The following NPIPB2 variants were observed in gnomAD, a reference collection of about 807,000 sequenced individuals.
NPIPB2 encodes nuclear pore complex-interacting protein family member B2.
A neutral mutation model predicts 30.8 loss-of-function variants in NPIPB2; 27 were observed. The ratio of observed to expected loss-of-function variants is 0.88; its 90% CI spans 0.65 to 1.21. NPIPB2 has a LOEUF of 1.21. Among genes scored for constraint, NPIPB2 ranks in the 50% most tolerant of loss-of-function variants. NPIPB2 has a pLI of 0.00. For missense variants in NPIPB2, 440 were observed against 446.2 expected (o/e 0.99, Z 0.13); for synonymous variants, 147 against 162.0 (o/e 0.91, Z 0.70).
At chr16:11,975,432 C>T (rs1002187376) in intron 1 of NPIPB2, among the ~76,000 whole-genome samples, 1 of 151,962 alleles carries the variant, frequency 6.6e-6, no homozygotes, top group African/African-American at 2.4e-5. Context: ...CAGGCGTGAG[C>T]CACCGCGCCC....
chr16:11,946,513 C>A (rs185801072), upstream of NPIPB2, among the ~76,000 whole-genome samples: 87 of 151,550 alleles, frequency 5.7e-4, 1 homozygote, highest in Admixed American at 3.0e-3. Flanking sequence ...TTTGAGGCTA[C>A]TGTGAGCTAT....
At chr16:11,957,260 G>T (rs1332497454) in intron 1 of NPIPB2, among the ~76,000 whole-genome samples, 1 of 151,624 alleles carries the variant, frequency 6.6e-6, no homozygotes, top group Non-Finnish European at 1.5e-5. Context: ...CGCCTCTTGG[G>T]TTCAAGCGAT....
upstream of NPIPB2, among the ~76,000 whole-genome samples, chr16:11,946,536 G>C (rs9922795): frequency 0.19 from 28,446 of 151,860 alleles, 4,979 homozygotes; most frequent in African/African-American, 0.45. Flanking sequence ...TTGTGCCACT[G>C]TACTCCAGCC....
At chr16:11,954,260 G>A (rs1414179344) in intron 1 of NPIPB2, among the ~76,000 whole-genome samples, 1 of 151,960 alleles carries the variant, frequency 6.6e-6, no homozygotes, top group African/African-American at 2.4e-5. Flanking sequence ...AGTGAGGTGG[G>A]AGGATCACTT....
At chr16:11,950,601 T>G (rs939556857) in intron 1 of NPIPB2, among the ~76,000 whole-genome samples, 5 of 152,130 alleles carry the variant, frequency 3.3e-5, no homozygotes, top group Admixed American at 3.3e-4. Flanking sequence ...AGCCCTTTTC[T>G]CCCAATGTTC....
At chr16:11,945,071 C>T (rs937891488), upstream of NPIPB2, among the ~76,000 whole-genome samples, 7 of 151,838 alleles carry the variant, frequency 4.6e-5, no homozygotes, top group African/African-American at 1.7e-4. Context: ...CCTGTAATCC[C>T]AGCTACTCAG....
intron 1 of NPIPB2, among the ~76,000 whole-genome samples, chr16:11,958,925 G>A (rs1300555239): frequency 2.0e-5 from 3 of 152,130 alleles, no homozygotes; most frequent in East Asian, 3.9e-4. Flanking sequence ...TGGGACCAGA[G>A]GAGTCACCAA....
intron 1 of NPIPB2, chr16:11,968,731 C>T (rs1441131041): frequency 1.3e-5 from 2 of 152,200 alleles, no homozygotes; most frequent in Non-Finnish European, 2.9e-5. Context: ...TTGTTGCAAA[C>T]AACCTCAATC....
chr16:11,953,231 C>G (rs78056338), intron 1 of NPIPB2, among the ~76,000 whole-genome samples: 2 of 152,030 alleles, frequency 1.3e-5, no homozygotes, highest in Non-Finnish European at 2.9e-5. Flanking sequence ...CTGCAACCTC[C>G]GCTTCCTGGG....
intron 1 of NPIPB2, among the ~76,000 whole-genome samples, chr16:11,948,562 C>A (rs376794134): frequency 1.3e-5 from 2 of 151,824 alleles, no homozygotes; most frequent in African/African-American, 4.8e-5. Context: ...GTCAGGAGAT[C>A]GAGACCATCC....
intron 1 of NPIPB2, among the ~76,000 whole-genome samples, chr16:11,947,936 T>C (rs1387965186): frequency 6.7e-6 from 1 of 149,398 alleles, no homozygotes; most frequent in Non-Finnish European, 1.5e-5. Context: ...AATCAGGGGA[T>C]TGCAAGAAGG....
At chr16:11,938,145 A>C (rs1449275163) in intron 1 of NPIPB2, among the ~76,000 whole-genome samples, 1 of 151,842 alleles carries the variant, frequency 6.6e-6, no homozygotes, top group Non-Finnish European at 1.5e-5. Flanking sequence ...CAGCCTCCCG[A>C]GTAGCTGAGA....
intron 2 of NPIPB2, among the ~76,000 whole-genome samples, chr16:11,935,598 GCCA>G (rs2054855013): frequency 6.6e-6 from 1 of 152,156 alleles, no homozygotes; most frequent in Admixed American, 6.6e-5. Flanking sequence ...ACAGGCATGA[GCCA>G]CCACATCTGG....
chr16:11,965,325 A>G, intron 1 of NPIPB2: 1 of 1,614,006 alleles, frequency 6.2e-7, no homozygotes, highest in Non-Finnish European at 8.5e-7. Flanking sequence ...TTTTGTGATC[A>G]TGTTGCAGAT....
intron 1 of NPIPB2, among the ~76,000 whole-genome samples, chr16:11,975,441 C>T (rs970227208): frequency 9.9e-5 from 15 of 151,922 alleles, no homozygotes; most frequent in Non-Finnish European, 1.9e-4. Flanking sequence ...GCCACCGCGC[C>T]CGGCCAATCC....
At chr16:11,945,263 C>G (rs1054955400), upstream of NPIPB2, among the ~76,000 whole-genome samples, 1 of 152,056 alleles carries the variant, frequency 6.6e-6, no homozygotes, top group Admixed American at 6.6e-5. Context: ...TGCTTATAGT[C>G]CCAGCTACTT....
intron 1 of NPIPB2, among the ~76,000 whole-genome samples, chr16:11,956,887 C>T (rs916914250): frequency 6.6e-6 from 1 of 152,348 alleles, no homozygotes; most frequent in Admixed American, 6.5e-5. Flanking sequence ...AGGTACCCTG[C>T]TGACCAGGCC....
chr16:11,954,656 C>T (rs1175281128), intron 1 of NPIPB2, among the ~76,000 whole-genome samples: 2 of 152,014 alleles, frequency 1.3e-5, no homozygotes, highest in East Asian at 1.9e-4. Flanking sequence ...GCCTCTAATC[C>T]CAGCACTTTG....
exon 8 of NPIPB2, chr16:11,927,624 A>G: frequency 2.5e-6 from 4 of 1,605,864 alleles, no homozygotes; most frequent in Non-Finnish European, 3.4e-6. Flanking sequence ...TCATCCGCTG[A>G]GGGTGGAGCT....
Sources: gnomAD v4.1 joint callset for allele counts (sites outside exome capture counted in the v4.1 genomes callset) on GRCh38, gnomAD v4.1.1 for gene constraint, MANE v1.5 for transcripts, NCBI Gene and HGNC (gene_info 2026-07-23, HGNC 2026-07-21) for gene names.